The following SFXN5 variants were observed in gnomAD, a reference collection of about 807,000 sequenced individuals.
SFXN5 encodes the protein sideroflexin-5.
SFXN5 carries 43 observed loss-of-function variants against 50.2 expected under a neutral mutation model. The ratio of observed to expected loss-of-function variants is 0.86; its 90% CI spans 0.67 to 1.11. SFXN5 has a LOEUF of 1.11. Among genes scored for constraint, SFXN5 ranks in the 50% least tolerant of loss-of-function variants. The pLI, the probability that SFXN5 is intolerant of heterozygous loss-of-function variation, is 0.00. For synonymous variants in SFXN5, 203 were observed against 185.8 expected, an observed-to-expected ratio of 1.09 and a Z score of -0.75; for missense variants, 463 against 454.1, an observed-to-expected ratio of 1.02 and a Z score of -0.18.
chr2:72,983,249 C>T lies in SFXN5; in HGVS notation c.625+5009G>A, dbSNP rs115268912. Among the ~76,000 whole-genome samples, 456 of 152,304 alleles carry T rather than the reference C, an allele frequency of 3.0e-3. 1 individual carries two copies. Among genetic ancestry groups the T allele is most frequent in the African/African-American group, 0.01 (436 of 41,570 alleles). ...TGGACGTCAGGGAACAGGTTTGCCACACCTGTGAATGAACAGAAGACCTTC... is the reference window on the plus strand; with the variant it reads ...TGGACGTCAGGGAACAGGTTTGCCATACCTGTGAATGAACAGAAGACCTTC... On this transcript the variant is annotated intron_variant, in intron 10 of 13. Transcript: ENST00000272433.
At chr2:72,951,771 C>T (rs1465493003) in intron 13 of SFXN5, among the ~76,000 whole-genome samples, 2 of 152,116 alleles carry the variant, frequency 1.3e-5, no homozygotes, top group Admixed American at 1.3e-4. Context: ...AAAGCCACCA[C>T]CTGCTCCTGG....
At chr2:73,058,390 A>G in intron 2 of SFXN5, 138 bp downstream of exon 2, 1 of 719,886 alleles carries the variant, frequency 1.4e-6, no homozygotes, top group African/African-American at 1.8e-5. Context: ...GGTAGAGAGA[A>G]TTTGTTACCT....
chr2:73,010,544 G>T (rs1378655445), intron 6 of SFXN5, among the ~76,000 whole-genome samples: 2 of 152,206 alleles, frequency 1.3e-5, no homozygotes, highest in African/African-American at 4.8e-5. Flanking sequence ...ACATAAGAGA[G>T]AAATAAACTA....
intron 4 of SFXN5, among the ~76,000 whole-genome samples, 181 bp downstream of exon 4, chr2:73,023,007 C>A (rs1677092768): frequency 6.6e-6 from 1 of 152,154 alleles, no homozygotes; most frequent in African/African-American, 2.4e-5. Flanking sequence ...GGCCTGAGCT[C>A]CAGACTTCAG....
intron 1 of SFXN5, chr2:73,059,630 T>G: frequency 3.4e-6 from 3 of 872,440 alleles, no homozygotes; most frequent in Non-Finnish European, 4.1e-6. Context: ...ATGGCACCCC[T>G]GCATGAAGCA....
At chr2:73,047,990 T>C (rs1680734856) in intron 2 of SFXN5, among the ~76,000 whole-genome samples, 1 of 152,188 alleles carries the variant, frequency 6.6e-6, no homozygotes, top group African/African-American at 2.4e-5. Context: ...TGTGATGAAT[T>C]ATTATGCAGT....
intron 6 of SFXN5, 37 bp downstream of exon 6, chr2:73,020,202 T>A: frequency 1.3e-6 from 2 of 1,599,158 alleles, no homozygotes; most frequent in Non-Finnish European, 1.7e-6. Flanking sequence ...TTAAAATAAT[T>A]TTTTAGAAAA....
chr2:73,059,235 A>G, intron 1 of SFXN5: 2 of 985,750 alleles, frequency 2.0e-6, no homozygotes, highest in Non-Finnish European at 2.4e-6. Flanking sequence ...TTGGAGCACA[A>G]TGAAAGGAAA....
At chr2:73,000,603 A>C in intron 7 of SFXN5, 116 bp from the exon 8 acceptor site, 74 of 970,074 alleles carry the variant, frequency 7.6e-5, no homozygotes, top group Non-Finnish European at 1.0e-4. Context: ...TCTCCAGCTC[A>C]CATGGTGCCG....
At chr2:73,065,493 C>T (rs1475456249) in intron 1 of SFXN5, among the ~76,000 whole-genome samples, 3 of 152,270 alleles carry the variant, frequency 2.0e-5, no homozygotes, top group East Asian at 3.9e-4. Context: ...CTCTGCCTCC[C>T]GGGTTCAAGC....
chr2:72,999,466 A>G (rs958290587), intron 8 of SFXN5, among the ~76,000 whole-genome samples: 1 of 152,032 alleles, frequency 6.6e-6, no homozygotes, highest in Non-Finnish European at 1.5e-5. Flanking sequence ...TCCCATGTCA[A>G]CAGATGATAG....
Position 72,961,066 on chromosome 2 carries a change from T to C in SFXN5, c.945+65A>G, listed in dbSNP as rs1238521665. The C allele has an allele frequency of 1.4e-5, 16 of 1,179,652 alleles. No individual in the cohort carries two copies. The highest frequency in any genetic ancestry group is 2.0e-4 in the Middle Eastern group (1 of 5,022). 73.1% of individuals were successfully genotyped at this position (1,179,652 alleles called of 1,614,324 possible). ...CTAAGGAGTCGGCACGGTATGAGTA[T>C]TTGTTCAGAAATCACCAAACAGCAC... is the stretch of plus-strand genomic sequence containing the variant. On this transcript the variant is annotated intron_variant, in intron 13 of 13. Coordinates refer to ENST00000272433, the MANE Select transcript of SFXN5 (RefSeq NM_144579.3). This position sits in a 1 kb window ranked among gnomAD's most constrained non-coding sequence, Gnocchi z 4.4.
chr2:73,003,372 G>GT (rs1559142863), intron 6 of SFXN5, among the ~76,000 whole-genome samples: 1 of 152,122 alleles, frequency 6.6e-6, no homozygotes, highest in East Asian at 1.9e-4. Context: ...CAGGAACATC[G>GT]TAAGATACAG....
At chr2:72,967,195 A>C (rs1674517260) in intron 12 of SFXN5, 1 of 152,218 alleles carries the variant, frequency 6.6e-6, no homozygotes, top group Non-Finnish European at 1.5e-5. Context: ...GAAATGAGAG[A>C]ATGCATTCAC....
rs965266530 is a variant in SFXN5, at chr2:72,942,964, C to G, written c.*2058G>C. 4 of 152,270 alleles carry G rather than the reference C, an allele frequency of 2.6e-5. No individual in the cohort carries two copies. Among genetic ancestry groups the G allele is most frequent in the African/African-American group, 9.7e-5 (4 of 41,426 alleles). 9.4% of individuals were successfully genotyped at this position (152,270 alleles called of 1,614,324 possible). On this transcript the variant is annotated 3_prime_UTR_variant, in exon 14 of 14. Transcript: ENST00000272433. ...TGAAGTGAGCTTTTCAAAAGACGAC[C>G]CAGACATGCCAGCACCTAGTTCAGG... is the stretch of plus-strand genomic sequence containing the variant.
At chr2:73,025,738 A>G (rs981446941) in intron 3 of SFXN5, among the ~76,000 whole-genome samples, 5 of 152,206 alleles carry the variant, frequency 3.3e-5, no homozygotes, top group African/African-American at 9.7e-5. Context: ...GCTCAGCCCA[A>G]CTAGAGCTCC....
At chr2:73,053,932 C>T (rs1319225598) in intron 2 of SFXN5, among the ~76,000 whole-genome samples, 1 of 152,210 alleles carries the variant, frequency 6.6e-6, no homozygotes, top group African/African-American at 2.4e-5. Flanking sequence ...GAGCCATGGT[C>T]TGTGGACTGA....
intron 2 of SFXN5, among the ~76,000 whole-genome samples, chr2:73,047,843 A>G (rs1680712535): frequency 6.6e-6 from 1 of 152,224 alleles, no homozygotes; most frequent in Non-Finnish European, 1.5e-5. Context: ...TCATCTGGAT[A>G]TTCCTCTTCT....
At position 73,022,955 on chromosome 2, in the gene SFXN5, G is replaced by C. The variant is rs114199353; in HGVS notation, c.276+233C>G. Reference sequence around the variant, plus strand: ...ATAAGGATTTTGTGGACAGAGCCCTGTCTCTTCTGGGAGCTCAGAGAACCC... The same window carrying C: ...ATAAGGATTTTGTGGACAGAGCCCTCTCTCTTCTGGGAGCTCAGAGAACCC... On this transcript the variant is annotated intron_variant, in intron 4 of 13. Transcript: ENST00000272433. 6.9e-3 allele frequency among the ~76,000 whole-genome samples: 1,053 copies of C among 152,292 alleles called. 19 individuals carry two copies. The highest frequency in any genetic ancestry group is 0.024 in the African/African-American group (992 of 41,558).
Sources: allele counts gnomAD v4.1 joint callset (sites outside exome capture counted in the v4.1 genomes callset), GRCh38; gene constraint gnomAD v4.1.1; non-coding constraint Gnocchi (gnomAD v3.1); transcripts MANE v1.5; gene names NCBI Gene and HGNC (gene_info 2026-07-23, HGNC 2026-07-21).